Variants in FBXO15 observed in about 807,000 individuals in gnomAD.
FBXO15 encodes F-box protein 15, also known as F-box only protein 15.
FBXO15 carries 30 observed loss-of-function variants against 49.5 expected under a neutral mutation model. The ratio of observed to expected loss-of-function variants is 0.61; its 90% CI spans 0.45 to 0.82. The LOEUF (loss-of-function observed/expected upper bound fraction) is 0.82, where lower values mean the gene tolerates loss of function less well. Ranked by LOEUF, FBXO15 falls within the 40% of genes least tolerant of loss-of-function variation. The pLI, the probability that FBXO15 is intolerant of heterozygous loss-of-function variation, is 0.00. For synonymous variants in FBXO15, 250 were observed against 232.7 expected, an observed-to-expected ratio of 1.07 and a Z score of -0.68; for missense variants, 591 against 631.5, an observed-to-expected ratio of 0.94 and a Z score of 0.69.
chr18:74,129,688 T>C, intron 4 of FBXO15, 74 bp from the exon 5 acceptor site: 6 of 1,258,020 alleles, frequency 4.8e-6, no homozygotes, highest in Non-Finnish European at 6.7e-6. Context: ...ATTTCATGTA[T>C]CTTCTCTAAA....
At chr18:74,133,107 T>C (rs1488667255) in intron 3 of FBXO15, among the ~76,000 whole-genome samples, 2 of 152,266 alleles carry the variant, frequency 1.3e-5, no homozygotes, top group Non-Finnish European at 2.9e-5. Context: ...TTCTGTAGTC[T>C]GACTTCATGA....
At chr18:74,105,246 C>T (rs1913700747) in intron 8 of FBXO15, among the ~76,000 whole-genome samples, 1 of 152,068 alleles carries the variant, frequency 6.6e-6, no homozygotes, top group African/African-American at 2.4e-5. Flanking sequence ...AGTAGAGTGA[C>T]TACAGTCTAT....
At chr18:74,096,143 A>G (rs755490226) in intron 8 of FBXO15, among the ~76,000 whole-genome samples, 4 of 152,142 alleles carry the variant, frequency 2.6e-5, no homozygotes, top group Non-Finnish European at 4.4e-5. Flanking sequence ...ACCTGTCCCT[A>G]CTTTAAGCCA....
At chr18:74,092,928 G>C (rs1214460339) in intron 8 of FBXO15, among the ~76,000 whole-genome samples, 1 of 152,144 alleles carries the variant, frequency 6.6e-6, no homozygotes, top group Non-Finnish European at 1.5e-5. Flanking sequence ...TGGGCCCAGA[G>C]AAGGGGGTGG....
At chr18:74,094,343 C>T (rs1251255657) in intron 8 of FBXO15, among the ~76,000 whole-genome samples, 2 of 152,022 alleles carry the variant, frequency 1.3e-5, no homozygotes, top group Admixed American at 1.3e-4. Flanking sequence ...AGTATGTGGC[C>T]TCTCCCCTCC....
chr18:74,105,635 G>A (rs562314140), intron 8 of FBXO15, among the ~76,000 whole-genome samples: 9 of 151,658 alleles, frequency 5.9e-5, no homozygotes, highest in Non-Finnish European at 1.3e-4. Flanking sequence ...TTTAGGAGAG[G>A]TAGGGTTTCA....
At chr18:74,128,500 G>A (rs185450967) in intron 5 of FBXO15, among the ~76,000 whole-genome samples, 24 of 152,286 alleles carry the variant, frequency 1.6e-4, no homozygotes, top group Admixed American at 5.9e-4. Context: ...GTAAGAAAAC[G>A]ACATGGTAAA....
chr18:74,133,992 C>G (rs1336801265), intron 3 of FBXO15, among the ~76,000 whole-genome samples: 1 of 152,144 alleles, frequency 6.6e-6, no homozygotes. Context: ...ATCTCAACTA[C>G]GTAAACTACA....
intron 8 of FBXO15, among the ~76,000 whole-genome samples, chr18:74,103,004 T>C (rs1386382732): frequency 6.6e-6 from 1 of 152,088 alleles, no homozygotes; most frequent in African/African-American, 2.4e-5. Context: ...GGGTTCATTG[T>C]ATACTGCTGA....
chr18:74,083,647 A>C (rs150881974), intron 8 of FBXO15, among the ~76,000 whole-genome samples: 16 of 152,348 alleles, frequency 1.1e-4, no homozygotes, highest in Non-Finnish European at 1.5e-5. Context: ...AAATCCCTGT[A>C]GGAAGCAGAG....
At chr18:74,124,082 C>A (rs193169513) in intron 7 of FBXO15, among the ~76,000 whole-genome samples, 1 of 151,960 alleles carries the variant, frequency 6.6e-6, no homozygotes. Flanking sequence ...CACCTAAAGA[C>A]GCGCAAATTC....
At chr18:74,125,733 T>C (rs574416839) in intron 6 of FBXO15, among the ~76,000 whole-genome samples, 1 of 152,200 alleles carries the variant, frequency 6.6e-6, no homozygotes, top group Admixed American at 6.5e-5. Flanking sequence ...TTGTTGTCTA[T>C]GATAGCAGAA....
At chr18:74,073,788 A>T in intron 9 of FBXO15, 58 bp from the exon 10 acceptor site, 1 of 1,538,712 alleles carries the variant, frequency 6.5e-7, no homozygotes, top group Non-Finnish European at 8.7e-7. Context: ...TGATTTTCAC[A>T]GAAAATCGTG....
intron 8 of FBXO15, among the ~76,000 whole-genome samples, chr18:74,089,569 T>G (rs2145122315): frequency 6.6e-6 from 1 of 152,326 alleles, no homozygotes; most frequent in Middle Eastern, 3.4e-3. Context: ...AATAGATGGC[T>G]GTTATTATTT....
At position 74,125,101 on chromosome 18, in the gene FBXO15, A is replaced by G. The variant is rs1028651876; in HGVS notation, c.913-530T>C. ...GACCTCCATTTCTCCCCAGATTCAC[A>G]GCTGACACTGATGGGCATAGGTGAC... On this transcript the variant is annotated intron_variant, in intron 6 of 9. Coordinates refer to ENST00000419743, the MANE Select transcript of FBXO15 (RefSeq NM_001142958.2). Among the ~76,000 whole-genome samples, 20 of 152,192 alleles carry G rather than the reference A, an allele frequency of 1.3e-4. 1 individual carries two copies. Among genetic ancestry groups the G allele is most frequent in the African/African-American group, 2.4e-5 (1 of 41,454 alleles).
At chr18:74,114,763 T>C (rs756969066) in intron 8 of FBXO15, among the ~76,000 whole-genome samples, 19 of 152,216 alleles carry the variant, frequency 1.2e-4, no homozygotes, top group Non-Finnish European at 2.6e-4. Flanking sequence ...CATTTTTCTT[T>C]GAAAAGAAAT....
rs866297725 is a variant in FBXO15 at position 74,130,611 on chromosome 18, G to A, written c.380C>T (p.Ser127Leu). 6.2e-7 allele frequency: 1 copy of A among 1,613,980 alleles called. No homozygotes were observed. The highest frequency in any genetic ancestry group is 8.5e-7 in the Non-Finnish European group (1 of 1,179,956). The change falls in exon 4 of 10, where the codon TCA becomes TTA. Residue 127 changes from serine (S) to leucine (L), a missense_variant. Transcript: ENST00000419743. ...CTCTACTGAATTAAATTTCCAATTT[G>A]ATCTTGCAGGTGAAAAAGCAGTTGA... The part of the protein sequence containing the change: ...IYSTAFSPAR[S>L]NWKFNSVEKI...
intron 8 of FBXO15, among the ~76,000 whole-genome samples, chr18:74,117,333 C>T (rs957480157): frequency 2.6e-5 from 4 of 152,038 alleles, no homozygotes; most frequent in African/African-American, 9.7e-5. Context: ...ACCTCTTATG[C>T]GTTATAACAA....
At chr18:74,126,329 T>G (rs1466236170) in intron 5 of FBXO15, among the ~76,000 whole-genome samples, 1 of 152,228 alleles carries the variant, frequency 6.6e-6, no homozygotes, top group African/African-American at 2.4e-5. Context: ...TTGCTCTTAC[T>G]GTCAACTCAA....
Sources: gnomAD v4.1 joint callset for allele counts (sites outside exome capture counted in the v4.1 genomes callset) on GRCh38, gnomAD v4.1.1 for gene constraint, MANE v1.5 for transcripts, NCBI Gene and HGNC (gene_info 2026-07-23, HGNC 2026-07-21) for gene names.